Variants in RUFY3 observed in about 807,000 individuals in gnomAD.
RUFY3 encodes protein RUFY3.
A neutral mutation model predicts 84.0 loss-of-function variants in RUFY3; 34 were observed. That is an observed-to-expected ratio of 0.40 (90% CI 0.31 to 0.54). RUFY3 has a LOEUF of 0.54. Ranked by LOEUF, RUFY3 falls within the 20% of genes least tolerant of loss-of-function variation. RUFY3 has a pLI of 0.39. For synonymous variants in RUFY3, 242 were observed against 252.9 expected, an observed-to-expected ratio of 0.96 and a Z score of 0.41; for missense variants, 507 against 736.8, an observed-to-expected ratio of 0.69 and a Z score of 3.61.
intron 10 of RUFY3, 78 bp from the exon 11 acceptor site, chr4:70,788,728 C>A: frequency 6.6e-7 from 1 of 1,511,062 alleles, no homozygotes; most frequent in South Asian, 1.3e-5. Context: ...TTTTGGTGTA[C>A]TTTTTCCTGT....
chr4:70,756,989 A>G (rs1724133395), intron 1 of RUFY3, among the ~76,000 whole-genome samples: 1 of 152,170 alleles, frequency 6.6e-6, no homozygotes, highest in Non-Finnish European at 1.5e-5. Flanking sequence ...TTTTTTAATT[A>G]GCTGGGCATG....
At chr4:70,738,944 G>C (rs1720859486) in intron 1 of RUFY3, among the ~76,000 whole-genome samples, 1 of 150,156 alleles carries the variant, frequency 6.7e-6, no homozygotes, top group Non-Finnish European at 1.5e-5. Context: ...TTGAACTCAT[G>C]GGCTAGGCGA....
intron 1 of RUFY3, among the ~76,000 whole-genome samples, chr4:70,759,297 C>T (rs764236565): frequency 3.6e-4 from 55 of 152,036 alleles, no homozygotes; most frequent in Non-Finnish European, 4.7e-4. Context: ...AACATAATGT[C>T]CTTTAGGCTC....
intron 1 of RUFY3, among the ~76,000 whole-genome samples, chr4:70,712,257 G>A (rs149304480): frequency 7.4e-4 from 113 of 152,236 alleles, no homozygotes; most frequent in African/African-American, 2.6e-3. Flanking sequence ...ATATTTTTGT[G>A]TGCCGTGCAG....
intron 12 of RUFY3, among the ~76,000 whole-genome samples, chr4:70,790,668 T>C (rs1311149773): frequency 6.6e-6 from 1 of 152,344 alleles, no homozygotes; most frequent in South Asian, 2.1e-4. Context: ...ACCTTTTAAC[T>C]CTTTATATAT....
intron 1 of RUFY3, among the ~76,000 whole-genome samples, chr4:70,743,051 C>CTAT (rs747036792): frequency 2.2e-4 from 33 of 151,638 alleles, no homozygotes; most frequent in Non-Finnish European, 3.7e-4. Flanking sequence ...GTGTTAGCTG[C>CTAT]TATTATTATT....
intron 17 of RUFY3, among the ~76,000 whole-genome samples, chr4:70,804,761 C>CAAAAAAA (rs1186156048): frequency 7.8e-5 from 6 of 76,856 alleles, no homozygotes; most frequent in Non-Finnish European, 1.1e-4. Context: ...ACTAAAAATA[C>CAAAAAAA]AAAAAAAAAA....
At chr4:70,793,741 A>T (rs1384827256) in intron 12 of RUFY3, 44 bp from the exon 13 acceptor site, 1 of 1,612,842 alleles carries the variant, frequency 6.2e-7, no homozygotes, top group African/African-American at 1.3e-5. Context: ...CTTCCCCACC[A>T]TGGCTTTTGT....
At chr4:70,779,224 A>G (rs1728489313) in intron 8 of RUFY3, among the ~76,000 whole-genome samples, 2 of 152,214 alleles carry the variant, frequency 1.3e-5, no homozygotes, top group African/African-American at 4.8e-5. Context: ...TCAGAAGATC[A>G]GTAATCCCTG....
At chr4:70,706,878 C>T (rs1425246107) in intron 1 of RUFY3, among the ~76,000 whole-genome samples, 1 of 152,210 alleles carries the variant, frequency 6.6e-6, no homozygotes, top group Non-Finnish European at 1.5e-5. Context: ...AATCCTTCTA[C>T]TTTGTACTTT....
chr4:70,778,573 CTTTTTTTTTTT>C (rs377520137), intron 8 of RUFY3, 135 bp downstream of exon 8: 54 of 151,762 alleles, frequency 3.6e-4, no homozygotes, highest in East Asian at 2.6e-3. Context: ...ACTTCTTATT[CTTTTTTTTTTT>C]TTTTTTTTTT....
intron 1 of RUFY3, among the ~76,000 whole-genome samples, chr4:70,730,161 C>A (rs889643955): frequency 5.3e-5 from 8 of 151,842 alleles, no homozygotes; most frequent in African/African-American, 1.9e-4. Flanking sequence ...TCTTGAACTC[C>A]TTGAACCTGC....
At chr4:70,724,069 G>A (rs555369737) in intron 1 of RUFY3, among the ~76,000 whole-genome samples, 1 of 152,044 alleles carries the variant, frequency 6.6e-6, no homozygotes, top group African/African-American at 2.4e-5. Flanking sequence ...TGTATGTTTC[G>A]TTATGTGCAC....
chr4:70,709,044 C>T (rs181547186), intron 1 of RUFY3, among the ~76,000 whole-genome samples: 2 of 152,166 alleles, frequency 1.3e-5, no homozygotes, highest in African/African-American at 4.8e-5. Flanking sequence ...GGTAATAGAG[C>T]GAGATGCTGT....
intron 1 of RUFY3, among the ~76,000 whole-genome samples, chr4:70,726,394 C>T (rs2148597143): frequency 6.6e-6 from 1 of 152,170 alleles, no homozygotes; most frequent in South Asian, 2.1e-4. Flanking sequence ...GACAGTTTCG[C>T]TCTTATTGCC....
chr4:70,806,724 T>C lies in RUFY3; in HGVS notation c.*65T>C. The C allele has an allele frequency of 6.3e-7, 1 of 1,582,402 alleles. No homozygotes were observed. The highest frequency in any genetic ancestry group is 1.7e-5 in the Admixed American group (1 of 57,896). ...CTCCTCTGTACCTGTGTTTTAGCTG[T>C]CAGGATCTCATAGAGCCCAGTTCTT... On this transcript the variant is annotated 3_prime_UTR_variant, in exon 18 of 18. Coordinates refer to ENST00000381006, the MANE Select transcript of RUFY3 (RefSeq NM_001037442.4).
chr4:70,758,611 A>G (rs1391324047), intron 1 of RUFY3, among the ~76,000 whole-genome samples: 1 of 152,146 alleles, frequency 6.6e-6, no homozygotes, highest in African/African-American at 2.4e-5. Context: ...AGGGATACAG[A>G]CTGACATTTT....
chr4:70,751,247 A>G (rs186173896), intron 1 of RUFY3, among the ~76,000 whole-genome samples: 25 of 152,094 alleles, frequency 1.6e-4, no homozygotes, highest in Admixed American at 3.3e-4. Flanking sequence ...TTCAGTGTCT[A>G]TTGTTGGCAT....
At chr4:70,762,475 T>G (rs745938938) in intron 1 of RUFY3, 44 bp from the exon 2 acceptor site, 1 of 1,534,012 alleles carries the variant, frequency 6.5e-7, no homozygotes, top group Non-Finnish European at 8.9e-7. Context: ...TAAAATGTGC[T>G]ATTTCTAGTA....
Sources: allele counts gnomAD v4.1 joint callset (sites outside exome capture counted in the v4.1 genomes callset), GRCh38; gene constraint gnomAD v4.1.1; transcripts MANE v1.5; gene names NCBI Gene and HGNC (gene_info 2026-07-23, HGNC 2026-07-21).